SIL1: variants seen among roughly 807,000 people sequenced by gnomAD.
SIL1 encodes SIL1 nucleotide exchange factor, also known as nucleotide exchange factor SIL1.
In SIL1, 40 loss-of-function variants were observed where a neutral mutation model predicts 49.1. The observed-to-expected ratio is 0.81, with a 90% CI of 0.63 to 1.06. The LOEUF is 1.06. Ranked by LOEUF, SIL1 falls within the 50% of genes least tolerant of loss-of-function variation. The pLI is 0.00. For missense variants in SIL1, 500 were observed against 572.6 expected (o/e 0.87, Z 1.29); for synonymous variants, 253 against 250.8 (o/e 1.01, Z -0.08).
intron 1 of SIL1, among the ~76,000 whole-genome samples, chr5:139,143,318 C>CATGTGTATAT (rs1751123009): frequency 1.3e-5 from 1 of 79,936 alleles, no homozygotes; most frequent in Non-Finnish European, 2.9e-5. Flanking sequence ...CACACACACA[C>CATGTGTATAT]ACACACACAC....
chr5:139,171,554 C>G (rs1313907435), intron 1 of SIL1, among the ~76,000 whole-genome samples: 2 of 152,008 alleles, frequency 1.3e-5, no homozygotes, highest in African/African-American at 4.8e-5. Flanking sequence ...CCCAGGGACA[C>G]AAACACTGCG....
intron 1 of SIL1, among the ~76,000 whole-genome samples, chr5:139,162,170 C>G (rs1164552110): frequency 6.6e-6 from 1 of 152,154 alleles, no homozygotes; most frequent in Non-Finnish European, 1.5e-5. Flanking sequence ...CAGGCCACTA[C>G]CAGAAAGAGA....
At chr5:139,067,277 A>G (rs985870596) in intron 3 of SIL1, among the ~76,000 whole-genome samples, 2 of 152,230 alleles carry the variant, frequency 1.3e-5, no homozygotes, top group Non-Finnish European at 2.9e-5. Flanking sequence ...AAAGATACAA[A>G]GACTGAGAAT....
At chr5:139,028,037 C>A (rs1768700925) in intron 5 of SIL1, among the ~76,000 whole-genome samples, 1 of 152,130 alleles carries the variant, frequency 6.6e-6, no homozygotes, top group African/African-American at 2.4e-5. Flanking sequence ...TCTCCCTGCA[C>A]CCAGCTAGAG....
intron 1 of SIL1, among the ~76,000 whole-genome samples, chr5:139,172,849 G>A (rs1032815971): frequency 2.0e-5 from 3 of 152,064 alleles, no homozygotes; most frequent in African/African-American, 4.8e-5. Flanking sequence ...GCTAAGTGCT[G>A]AGGGGAGTTT....
intron 5 of SIL1, among the ~76,000 whole-genome samples, chr5:139,037,050 CCT>C (rs1768931722): frequency 6.6e-6 from 1 of 151,688 alleles, no homozygotes; most frequent in Admixed American, 6.5e-5. Flanking sequence ...TCTTAATTTT[CCT>C]CTCTCTAAAA....
intron 7 of SIL1, among the ~76,000 whole-genome samples, chr5:138,960,755 T>C (rs897660148): frequency 2.0e-5 from 3 of 152,204 alleles, no homozygotes; most frequent in African/African-American, 7.2e-5. Context: ...GCACTCGGCC[T>C]CAAATCTACG....
intron 7 of SIL1, among the ~76,000 whole-genome samples, chr5:138,969,276 G>A (rs1039521062): frequency 1.3e-5 from 2 of 152,194 alleles, no homozygotes; most frequent in Admixed American, 6.5e-5. Flanking sequence ...CCGCCTGCCA[G>A]CCATGGCAGG....
At chr5:139,052,508 A>AC (rs1445722801) in intron 3 of SIL1, among the ~76,000 whole-genome samples, 2 of 152,082 alleles carry the variant, frequency 1.3e-5, no homozygotes, top group Non-Finnish European at 2.9e-5. Flanking sequence ...AAATGGTGAA[A>AC]CCCCATCTCT....
chr5:139,013,138 C>G (rs890853690), intron 7 of SIL1, among the ~76,000 whole-genome samples: 40 of 152,144 alleles, frequency 2.6e-4, no homozygotes, highest in Non-Finnish European at 8.8e-5. Context: ...GATTGCAAGT[C>G]TATTATATCA....
Position 139,185,839 on chromosome 5 carries a change from G to A in SIL1, c.-11+12430C>T, listed in dbSNP as rs897988658. On this transcript the variant is annotated intron_variant, in intron 1 of 9. Coordinates refer to ENST00000394817, the MANE Select transcript of SIL1 (RefSeq NM_022464.5). ...CACTGCTGGGGCACTTAGGGACTAT[G>A]AAAAAAATGAGACAGCCAGAGGATA... 9.2e-5 allele frequency among the ~76,000 whole-genome samples: 14 copies of A among 152,180 alleles called. 1 individual carries two copies. The highest frequency in any genetic ancestry group is 4.1e-4 in the South Asian group (2 of 4,834).
chr5:138,973,740 A>G (rs918663017), intron 7 of SIL1, among the ~76,000 whole-genome samples: 1 of 152,006 alleles, frequency 6.6e-6, no homozygotes, highest in African/African-American at 2.4e-5. Context: ...CACCGTGTCC[A>G]GCCTTGACTA....
chr5:138,949,042 GC>G (rs1400951030), intron 9 of SIL1, among the ~76,000 whole-genome samples: 1 of 152,240 alleles, frequency 6.6e-6, no homozygotes, highest in African/African-American at 2.4e-5. Context: ...TGTTAAAGCA[GC>G]AGCAGACAGA....
At chr5:139,119,842 C>T (rs1256660499) in intron 3 of SIL1, among the ~76,000 whole-genome samples, 3 of 152,234 alleles carry the variant, frequency 2.0e-5, no homozygotes, top group Admixed American at 2.0e-4. Flanking sequence ...CTACCCCTGA[C>T]AGCCTCTGGT....
intron 1 of SIL1, among the ~76,000 whole-genome samples, chr5:139,169,834 C>CTCCCCACGG (rs1561888476): frequency 1.5e-4 from 22 of 151,594 alleles, no homozygotes; most frequent in Non-Finnish European, 2.5e-4. Flanking sequence ...CCCCTCTCCC[C>CTCCCCACGG]TCTCCCTCTC....
At chr5:139,070,690 T>A (rs11242444) in intron 3 of SIL1, among the ~76,000 whole-genome samples, 39,584 of 151,982 alleles carry the variant, frequency 0.26, 6,078 homozygotes, top group Middle Eastern at 0.4. Context: ...AAAGTAATAA[T>A]TACAATGAAT....
chr5:139,089,337 C>T (rs13436761), intron 3 of SIL1, among the ~76,000 whole-genome samples: 17,057 of 152,138 alleles, frequency 0.11, 1,078 homozygotes, highest in African/African-American at 0.15. Context: ...TCTCCACTCT[C>T]AGTGGAGGCC....
chr5:138,947,043 G>T lies in SIL1; in HGVS notation c.*74C>A. The T allele has an allele frequency of 8.7e-7, 1 of 1,156,022 alleles. No homozygotes were observed. The highest frequency in any genetic ancestry group is 2.5e-5 in the East Asian group (1 of 39,522). The allele number at this position is 1,156,022 out of a possible 1,614,324, so 71.6% of individuals were successfully genotyped here. On this transcript the variant is annotated 3_prime_UTR_variant, in exon 10 of 10. Coordinates refer to ENST00000394817, the MANE Select transcript of SIL1 (RefSeq NM_022464.5). This position sits in a 1 kb window ranked among gnomAD's most constrained non-coding sequence, Gnocchi z 4.1. ...GCCAGCACTGCCAAGATGTCCTCCTGCCTGAGAAGCCCACCCACGCTGGCA... is the reference window on the plus strand; with the variant it reads ...GCCAGCACTGCCAAGATGTCCTCCTTCCTGAGAAGCCCACCCACGCTGGCA...
chr5:139,165,260 G>T (rs932785855), intron 1 of SIL1, among the ~76,000 whole-genome samples: 1 of 152,094 alleles, frequency 6.6e-6, no homozygotes, highest in South Asian at 2.1e-4. Flanking sequence ...AAACTCAACC[G>T]TCAGCCAGAA....
Sources: allele counts gnomAD v4.1 joint callset (sites outside exome capture counted in the v4.1 genomes callset), GRCh38; gene constraint gnomAD v4.1.1; non-coding constraint Gnocchi (gnomAD v3.1); transcripts MANE v1.5; gene names NCBI Gene and HGNC (gene_info 2026-07-23, HGNC 2026-07-21).